The following ABCB1 variants were observed in gnomAD, a reference collection of about 807,000 sequenced individuals.
The protein encoded by ABCB1 is ATP binding cassette subfamily B member 1.
Under a neutral mutation model 142.0 loss-of-function variants are expected in ABCB1, and 69 were observed. The ratio of observed to expected loss-of-function variants is 0.49; its 90% CI spans 0.40 to 0.59. The LOEUF (loss-of-function observed/expected upper bound fraction) is 0.59. ABCB1 is among the 20% of genes least tolerant of loss of function. ABCB1 has a pLI of 0.00. For missense variants in ABCB1, 1,326 were observed against 1,554.7 expected (o/e 0.85, Z 2.47); for synonymous variants, 532 against 539.2 (o/e 0.99, Z 0.18).
At chr7:87,568,339 TGAAGGCA>T (rs1306526198) in intron 5 of ABCB1, among the ~76,000 whole-genome samples, 2 of 147,902 alleles carry the variant, frequency 1.4e-5, no homozygotes, top group African/African-American at 5.0e-5. Flanking sequence ...GAGAATCGCT[TGAAGGCA>T]GAAGTTGCAG....
chr7:87,617,792 G>A (rs1257094391), intron 1 of ABCB1, among the ~76,000 whole-genome samples: 1 of 152,136 alleles, frequency 6.6e-6, no homozygotes, highest in Non-Finnish European at 1.5e-5. Flanking sequence ...GTTTCAAACT[G>A]TTCCAAGGGC....
intron 1 of ABCB1, among the ~76,000 whole-genome samples, chr7:87,660,207 A>G (rs531931450): frequency 2.0e-5 from 3 of 148,862 alleles, no homozygotes; most frequent in Admixed American, 1.3e-4. Context: ...ACCAGTAAAA[A>G]CTCTCTGGGT....
intron 1 of ABCB1, among the ~76,000 whole-genome samples, chr7:87,607,652 A>G (rs1407483942): frequency 1.3e-5 from 2 of 152,044 alleles, no homozygotes; most frequent in African/African-American, 4.8e-5. Context: ...CCTGCATTCA[A>G]AGGATCTCCC....
At chr7:87,663,052 G>A (rs1168625651) in intron 1 of ABCB1, among the ~76,000 whole-genome samples, 1 of 151,968 alleles carries the variant, frequency 6.6e-6, no homozygotes, top group South Asian at 2.1e-4. Flanking sequence ...TTCACTGTTG[G>A]CATATAGGAA....
chr7:87,646,875 G>C (rs948385648), intron 1 of ABCB1, among the ~76,000 whole-genome samples: 2 of 152,052 alleles, frequency 1.3e-5, no homozygotes, highest in African/African-American at 4.8e-5. Context: ...TCTGGCATTT[G>C]TCTAACTTGA....
intron 1 of ABCB1, among the ~76,000 whole-genome samples, chr7:87,627,067 C>T (rs1820707785): frequency 6.6e-6 from 1 of 152,114 alleles, no homozygotes; most frequent in Non-Finnish European, 1.5e-5. Context: ...AGCCACCGCG[C>T]CCAGCCCATA....
At chr7:87,683,605 C>T (rs1428875036) in intron 1 of ABCB1, among the ~76,000 whole-genome samples, 1 of 152,166 alleles carries the variant, frequency 6.6e-6, no homozygotes, top group Admixed American at 6.5e-5. Context: ...ACACATTTAT[C>T]AATTAAGCTT....
At chr7:87,506,828 T>A (rs1814773967) in intron 26 of ABCB1, among the ~76,000 whole-genome samples, 1 of 152,208 alleles carries the variant, frequency 6.6e-6, no homozygotes, top group Non-Finnish European at 1.5e-5. Context: ...ATTTGCTATA[T>A]CTGGCAACCC....
intron 7 of ABCB1, chr7:87,565,353 T>C (rs1472618504): frequency 2.7e-6 from 1 of 374,492 alleles, no homozygotes; most frequent in Non-Finnish European, 5.3e-6. Flanking sequence ...TACACTCATA[T>C]CAAATCAGTT....
chr7:87,614,236 A>G, intron 1 of ABCB1, among the ~76,000 whole-genome samples: 1 of 152,144 alleles, frequency 6.6e-6, no homozygotes, highest in Non-Finnish European at 1.5e-5. Context: ...TCTCTAAAGA[A>G]AAATTAACAA....
At chr7:87,684,793 G>C (rs1432606351) in intron 1 of ABCB1, among the ~76,000 whole-genome samples, 2 of 144,650 alleles carry the variant, frequency 1.4e-5, no homozygotes, top group Non-Finnish European at 3.0e-5. Context: ...AGAATAGAGA[G>C]TTTGGAAAAA....
intron 21 of ABCB1, among the ~76,000 whole-genome samples, chr7:87,530,474 A>G (rs1373357145): frequency 6.6e-6 from 1 of 152,170 alleles, no homozygotes; most frequent in African/African-American, 2.4e-5. Flanking sequence ...ATGAGATAAT[A>G]GACCCCATAT....
rs370980883 is a variant in ABCB1, at chr7:87,547,299, AT to A, written c.1726-1276del. Among the ~76,000 whole-genome samples the A allele has an allele frequency of 6.5e-4, 99 of 152,316 alleles. 1 individual carries two copies. The East Asian group carries it at 0.017, about 27-fold the overall frequency. ...CAGAAGAAAATAGATCAATTTTTGT[AT>A]CTTTTTAAGAAAAAAGGGGTATGTG... On this transcript the variant is annotated intron_variant, in intron 14 of 27. Transcript: ENST00000622132.
In ABCB1 at chr7:87,539,189, A is replaced by G. The variant is rs1261986896; in HGVS notation, c.2397+79T>C. On this transcript the variant is annotated intron_variant, in intron 19 of 27. Coordinates refer to ENST00000622132, the MANE Select transcript of ABCB1 (RefSeq NM_001348946.2). ...AGGAGCTAGGCCTGGGAAACATGAC[A>G]GAGCTCCCACTGTCTGAGTCCAAGG... is the stretch of plus-strand genomic sequence containing the variant. 5 of 1,449,498 alleles carry G rather than the reference A, an allele frequency of 3.4e-6. No individual in the cohort carries two copies. The Admixed American group carries it at 6.9e-5, about 20-fold the overall frequency. 89.8% of individuals were successfully genotyped at this position (1,449,498 alleles called of 1,614,324 possible).
At chr7:87,549,630 C>T (rs1816958104) in intron 13 of ABCB1, 112 bp from the exon 14 acceptor site, 1 of 1,521,670 alleles carries the variant, frequency 6.6e-7, no homozygotes. Context: ...AATACAGGTC[C>T]AGTTCTTTAA....
chr7:87,515,145 A>C (rs1211068660), intron 25 of ABCB1, 86 bp downstream of exon 25: 10 of 1,525,448 alleles, frequency 6.6e-6, no homozygotes, highest in Non-Finnish European at 8.9e-6. Flanking sequence ...GGTTTGAAAA[A>C]ACATGGCTTA....
chr7:87,614,305 G>A (rs1359337406), intron 1 of ABCB1, among the ~76,000 whole-genome samples: 1 of 152,054 alleles, frequency 6.6e-6, no homozygotes, highest in Non-Finnish European at 1.5e-5. Context: ...GCTGAGGCAG[G>A]AAGATTACTT....
At chr7:87,523,149 G>T (rs978473674) in intron 21 of ABCB1, among the ~76,000 whole-genome samples, 1 of 152,150 alleles carries the variant, frequency 6.6e-6, no homozygotes, top group South Asian at 2.1e-4. Context: ...TGCCCAGGCT[G>T]CAGTGCAGTG....
chr7:87,709,271 G>A (rs1829863805), intron 1 of ABCB1: 33 of 985,186 alleles, frequency 3.3e-5, no homozygotes, highest in Non-Finnish European at 4.0e-5. Flanking sequence ...TCTCTGGAGA[G>A]CAACTTTCTT....
Sources: allele counts gnomAD v4.1 joint callset (sites outside exome capture counted in the v4.1 genomes callset), GRCh38; gene constraint gnomAD v4.1.1; transcripts MANE v1.5; gene names NCBI Gene and HGNC (gene_info 2026-07-23, HGNC 2026-07-21).